The following HMCN2 variants were observed in gnomAD, a reference collection of about 807,000 sequenced individuals.
HMCN2 encodes the protein hemicentin-2.
HMCN2 carries 325 observed loss-of-function variants against 377.5 expected under a neutral mutation model. The ratio of observed to expected loss-of-function variants is 0.86; its 90% CI spans 0.79 to 0.94. The LOEUF (loss-of-function observed/expected upper bound fraction) is 0.94. Among genes scored for constraint, HMCN2 ranks in the 40% least tolerant of loss-of-function variants. The pLI is 0.00. For missense variants in HMCN2, 4,543 were observed against 4,725.3 expected (o/e 0.96, Z 1.13); for synonymous variants, 2,007 against 2,046.8 (o/e 0.98, Z 0.53).
intron 87 of HMCN2, 134 bp from the exon 88 acceptor site, chr9:130,424,642 A>G: frequency 1.1e-6 from 1 of 873,594 alleles, no homozygotes; most frequent in Non-Finnish European, 1.6e-6. Context: ...GGCAGTCACA[A>G]GGCTGAGTAT....
rs139821516 is a variant in HMCN2, at chr9:130,362,162, G to A, written c.6105G>A (p.Leu2035=). 5.1e-4 allele frequency: 505 copies of A among 985,934 alleles called. No individual in the cohort carries two copies. The highest frequency in any genetic ancestry group is 1.0e-3 in the Middle Eastern group (2 of 1,914). The allele number at this position is 985,934 out of a possible 1,614,324, so 61.1% of individuals were successfully genotyped here. A position where few individuals can be genotyped will look rare whatever the true frequency, so the allele number is the denominator to read the frequency against. ...NPVSPAGTPG[L]QVFPGGRVLT... ...TGTCCCCTGCAGGGACCCCTGGCCTGCAGGTCAGTAGGGCTGGGTGGCCCC... is the reference window on the plus strand; with the variant it reads ...TGTCCCCTGCAGGGACCCCTGGCCTACAGGTCAGTAGGGCTGGGTGGCCCC... The change falls in exon 39 of 98, where the codon CTG becomes CTA. Residue 2035 remains leucine, a synonymous_variant. Coordinates refer to ENST00000683500, the MANE Select transcript of HMCN2 (RefSeq NM_001291815.2).
intron 34 of HMCN2, among the ~76,000 whole-genome samples, chr9:130,357,032 G>A (rs1293362510): frequency 6.6e-6 from 1 of 151,792 alleles, no homozygotes; most frequent in Non-Finnish European, 1.5e-5. Context: ...ATAGAAGGGT[G>A]GATGAATGGG....
intron 15 of HMCN2, among the ~76,000 whole-genome samples, chr9:130,311,729 C>T (rs1251305953): frequency 6.6e-6 from 1 of 152,130 alleles, no homozygotes; most frequent in East Asian, 1.9e-4. Context: ...CAGCCCTCCC[C>T]GTGACAAGAG....
chr9:130,356,018 C>T (rs765845390), intron 33 of HMCN2, 70 bp from the exon 34 acceptor site: 21 of 1,071,004 alleles, frequency 2.0e-5, no homozygotes, highest in Non-Finnish European at 2.6e-5. Context: ...TTCTAGGTTT[C>T]CTGCTTGTCC....
chr9:130,416,195 C>T (rs1267870711), intron 85 of HMCN2, among the ~76,000 whole-genome samples: 3 of 151,362 alleles, frequency 2.0e-5, no homozygotes, highest in African/African-American at 7.3e-5. Context: ...ACCTCCACCT[C>T]CCAGGTTCAA....
At chr9:130,366,398 C>T (rs957648355) in intron 43 of HMCN2, among the ~76,000 whole-genome samples, 3 of 151,748 alleles carry the variant, frequency 2.0e-5, no homozygotes, top group South Asian at 2.1e-4. Context: ...TGTTGACCAC[C>T]GCTGAATTCC....
intron 8 of HMCN2, among the ~76,000 whole-genome samples, chr9:130,302,066 A>G (rs59656997): frequency 0.5 from 74,070 of 149,054 alleles, 20,327 homozygotes; most frequent in African/African-American, 0.75. Context: ...TTTTGAGATG[A>G]AGTCTTGCTC....
In HMCN2 at chr9:130,299,032, C is replaced by T. The variant is rs371616464; in HGVS notation, c.1020C>T (p.Pro340=). ...TTCACCTTCCCTCTGCAGGAGTCCCCATCTCCCTGGTGATCAATTCCACGG... is the reference window on the plus strand; with the variant it reads ...TTCACCTTCCCTCTGCAGGAGTCCCTATCTCCCTGGTGATCAATTCCACGG... ...HTLEWPLQGV[P]ISLVINSTGL... Residue 340 remains proline (P), a synonymous_variant, in exon 8 of 98, where the codon CCC becomes CCT. Coordinates refer to ENST00000683500, the MANE Select transcript of HMCN2 (RefSeq NM_001291815.2). The T allele has an allele frequency of 8.1e-5, 38 of 469,796 alleles. No individual in the cohort carries two copies. Among genetic ancestry groups the T allele is most frequent in the African/African-American group, 6.8e-4 (34 of 50,146 alleles). The allele number at this position is 469,796 out of a possible 1,614,324, so 29.1% of individuals were successfully genotyped here.
Position 130,422,055 on chromosome 9 carries a change from G to C in HMCN2, c.13232-522G>C, listed in dbSNP as rs534345380. On this transcript the variant is annotated intron_variant, in intron 86 of 97. Coordinates refer to ENST00000683500, the MANE Select transcript of HMCN2 (RefSeq NM_001291815.2). This position sits in a 1 kb window ranked among gnomAD's most constrained non-coding sequence, Gnocchi z 4.2. ...AGCATCTGCTCACAGATGGCCTGGC[G>C]GGCAGCGGCTAGGAAACCAGCCCAC... is the stretch of plus-strand genomic sequence containing the variant. Among the ~76,000 whole-genome samples, 6 of 152,208 alleles carry C rather than the reference G, an allele frequency of 3.9e-5. No individual in the cohort carries two copies. Among genetic ancestry groups the C allele is most frequent in the Non-Finnish European group, 4.4e-5 (3 of 68,042 alleles).
In HMCN2 at chr9:130,360,545, G is replaced by A. The variant is rs572613196; in HGVS notation, c.5891G>A (p.Arg1964His). The A allele has an allele frequency of 7.7e-6, 10 of 1,304,090 alleles. No individual in the cohort carries two copies. The highest frequency in any genetic ancestry group is 1.0e-5 in the Non-Finnish European group (10 of 988,932). The allele number at this position is 1,304,090 out of a possible 1,614,324, so 80.8% of individuals were successfully genotyped here. A position where few individuals can be genotyped will look rare whatever the true frequency, so the allele number is the denominator to read the frequency against. ...QAQLSDAGSY[R>H]CVASNVAGST... ...CAGCTTTCTGATGCTGGGAGCTACC[G>A]CTGTGTGGCATCCAATGTGGCAGGT... Residue 1964 changes from arginine (R) to histidine (H), a missense_variant, in exon 38 of 98, where the codon CGC (arginine) becomes CAC (histidine). By Grantham distance (29) the Arg-to-His change is conservative. Transcript: ENST00000683500. This position sits in a 1 kb window ranked among gnomAD's most constrained non-coding sequence, Gnocchi z 4.7.
intron 80 of HMCN2, 109 bp from the exon 81 acceptor site, chr9:130,404,760 G>A (rs1209967040): frequency 1.4e-6 from 1 of 715,632 alleles, no homozygotes; most frequent in Non-Finnish European, 1.9e-6. Context: ...GGAGGGGGCA[G>A]CTGATGGCCA....
intron 1 of HMCN2, among the ~76,000 whole-genome samples, 154 bp downstream of exon 1, chr9:130,266,291 C>G (rs544565764): frequency 6.6e-6 from 1 of 152,370 alleles, no homozygotes; most frequent in East Asian, 1.9e-4. Context: ...TGCGGGTACC[C>G]TGGCCACCTG....
intron 51 of HMCN2, 74 bp downstream of exon 51, chr9:130,376,063 G>A (rs1841360382): frequency 1.9e-6 from 1 of 534,114 alleles, no homozygotes; most frequent in African/African-American, 2.1e-5. Flanking sequence ...AGGCACCTGA[G>A]CCACCCTTGG....
chr9:130,399,463 G>A (rs1471247301), intron 75 of HMCN2, 48 bp from the exon 76 acceptor site: 1 of 1,232,048 alleles, frequency 8.1e-7, no homozygotes, highest in Non-Finnish European at 1.0e-6. Flanking sequence ...GCCACAGCTG[G>A]TCTCTGTCAG....
At chr9:130,336,110 A>G (rs1838735170) in intron 22 of HMCN2, among the ~76,000 whole-genome samples, 3 of 152,122 alleles carry the variant, frequency 2.0e-5, no homozygotes, top group Admixed American at 1.3e-4. Context: ...TGAGTGAGAG[A>G]GAGAGAAAGG....
intron 4 of HMCN2, among the ~76,000 whole-genome samples, chr9:130,289,045 C>T (rs1835580969): frequency 6.6e-6 from 1 of 152,242 alleles, no homozygotes; most frequent in South Asian, 2.1e-4. Context: ...AACGCACTGT[C>T]ACTAGCCCCG....
At chr9:130,283,530 C>T (rs1410653362) in intron 1 of HMCN2, among the ~76,000 whole-genome samples, 3 of 151,680 alleles carry the variant, frequency 2.0e-5, no homozygotes, top group African/African-American at 7.3e-5. Flanking sequence ...AAATGATACA[C>T]TGAGGATCCC....
chr9:130,428,099 C>T lies in HMCN2; in HGVS notation c.14066-259C>T, dbSNP rs77303941. ...GCCAAGTCTCCGCTGGGCTCCAAGC[C>T]GGGTGCCCAAGGGGACGTTGTCTGC... On this transcript the variant is annotated intron_variant, in intron 92 of 97. Transcript: ENST00000683500. This position sits in a 1 kb window ranked among gnomAD's most constrained non-coding sequence, Gnocchi z 5.0. Among the ~76,000 whole-genome samples, 6,377 of 152,220 alleles carry T rather than the reference C, an allele frequency of 0.042. 227 individuals are homozygous for T. Among genetic ancestry groups the T allele is most frequent in the African/African-American group, 0.096 (3,981 of 41,502 alleles).
chr9:130,289,340 TG>T (rs1274586297), intron 4 of HMCN2, among the ~76,000 whole-genome samples: 2 of 149,198 alleles, frequency 1.3e-5, no homozygotes, highest in Non-Finnish European at 3.0e-5. Flanking sequence ...GGGCGGAAGA[TG>T]GGGGGGTGAG....
Sources: gnomAD v4.1 joint callset for allele counts (sites outside exome capture counted in the v4.1 genomes callset) on GRCh38, gnomAD v4.1.1 for gene constraint, Gnocchi (gnomAD v3.1) non-coding constraint, MANE v1.5 for transcripts, NCBI Gene and HGNC (gene_info 2026-07-23, HGNC 2026-07-21) for gene names.